WSCD2: variants seen among roughly 807,000 people sequenced by gnomAD.
The protein encoded by WSCD2 is WSC domain sialate O sulfotransferase 2, also known as sialate:O-sulfotransferase 2.
A neutral mutation model predicts 55.7 loss-of-function variants in WSCD2; 28 were observed. The ratio of observed to expected loss-of-function variants is 0.50; its 90% confidence interval spans 0.37 to 0.69. The LOEUF is 0.69. Among genes scored for constraint, WSCD2 ranks in the 30% least tolerant of loss-of-function variants. The pLI, the probability that WSCD2 is intolerant of heterozygous loss-of-function variation, is 0.00. For synonymous variants in WSCD2, 301 were observed against 301.9 expected, an observed-to-expected ratio of 1.00 and a Z score of 0.03; for missense variants, 616 against 762.1, an observed-to-expected ratio of 0.81 and a Z score of 2.26.
chr12:108,219,861 A>T (rs999995674), intron 4 of WSCD2, among the ~76,000 whole-genome samples: 6 of 152,152 alleles, frequency 3.9e-5, no homozygotes, highest in African/African-American at 1.4e-4. Context: ...CTCAAATAAG[A>T]TCCTGGTGGC....
intron 7 of WSCD2, 197 bp downstream of exon 7, chr12:108,233,092 GTCCTGGATACTCCA>G: frequency 1.6e-6 from 1 of 628,418 alleles, no homozygotes; most frequent in East Asian, 2.9e-5. Flanking sequence ...CTTAAGTCAT[GTCCTGGATACTCCA>G]CTAGCATCCA....
intron 1 of WSCD2, among the ~76,000 whole-genome samples, chr12:108,191,978 A>T (rs1308236178): frequency 6.6e-6 from 1 of 152,124 alleles, no homozygotes; most frequent in Non-Finnish European, 1.5e-5. Flanking sequence ...CCCCTTTCGC[A>T]CCCACTTAGA....
intron 5 of WSCD2, among the ~76,000 whole-genome samples, chr12:108,225,207 G>C (rs1887948949): frequency 6.6e-6 from 1 of 152,198 alleles, no homozygotes; most frequent in Non-Finnish European, 1.5e-5. Context: ...GTTTCACATG[G>C]CTGAGGAGGC....
At chr12:108,131,028 C>T (rs770766232) in intron 1 of WSCD2, among the ~76,000 whole-genome samples, 11 of 152,168 alleles carry the variant, frequency 7.2e-5, no homozygotes, top group South Asian at 4.1e-4. Context: ...TCTGCCTCTG[C>T]GGAGTAGCAT....
chr12:108,194,439 T>C (rs934951914), intron 1 of WSCD2, among the ~76,000 whole-genome samples: 2 of 152,166 alleles, frequency 1.3e-5, no homozygotes, highest in African/African-American at 4.8e-5. Context: ...GAGACACTGG[T>C]TAAGAGCTGT....
At position 108,196,226 on chromosome 12, in the gene WSCD2, G is replaced by A. The variant is rs1015668439; in HGVS notation, c.382+12G>A. 1 of 1,606,480 alleles carries A rather than the reference G, an allele frequency of 6.2e-7. No homozygotes were observed. The highest frequency in any genetic ancestry group is 8.5e-7 in the Non-Finnish European group (1 of 1,176,222). On this transcript the variant is annotated intron_variant, in intron 2 of 8. Transcript: ENST00000547525. ...GGAGGAAGAGCGAGGTAAGAGCGAGGAACATCTGGACACTGAGGGGCTGGG... is the reference window on the plus strand; with the variant it reads ...GGAGGAAGAGCGAGGTAAGAGCGAGAAACATCTGGACACTGAGGGGCTGGG...
intron 1 of WSCD2, among the ~76,000 whole-genome samples, chr12:108,133,382 T>C (rs543309674): frequency 6.6e-6 from 1 of 152,180 alleles, no homozygotes; most frequent in Non-Finnish European, 1.5e-5. Flanking sequence ...GGCGTACATG[T>C]GTGTTTTTCT....
chr12:108,236,926 G>A (rs1225105489), intron 7 of WSCD2, among the ~76,000 whole-genome samples: 2 of 152,166 alleles, frequency 1.3e-5, no homozygotes, highest in Admixed American at 6.5e-5. Context: ...TGCGGTATGT[G>A]AGGAGCCAGA....
intron 5 of WSCD2, among the ~76,000 whole-genome samples, chr12:108,226,083 G>A (rs1463876298): frequency 6.6e-6 from 1 of 152,002 alleles, no homozygotes; most frequent in East Asian, 2.0e-4. Flanking sequence ...TTTGGGAAAA[G>A]CTGTCTGAGT....
intron 1 of WSCD2, among the ~76,000 whole-genome samples, chr12:108,132,800 A>G (rs1592857007): frequency 6.6e-6 from 1 of 152,300 alleles, no homozygotes; most frequent in South Asian, 2.1e-4. Context: ...GTGCCTGCAT[A>G]CATGTGCATA....
intron 3 of WSCD2, among the ~76,000 whole-genome samples, chr12:108,207,236 T>G (rs1885508353): frequency 6.6e-6 from 1 of 152,116 alleles, no homozygotes; most frequent in Non-Finnish European, 1.5e-5. Flanking sequence ...ATGAAGAGGC[T>G]CTAATATGCT....
intron 4 of WSCD2, among the ~76,000 whole-genome samples, chr12:108,211,330 T>C (rs561358224): frequency 8.3e-4 from 126 of 152,272 alleles, no homozygotes; most frequent in South Asian, 1.9e-3. Context: ...GCTTCCCAGA[T>C]TTGCATGTGT....
At chr12:108,212,977 G>T (rs1019757911) in intron 4 of WSCD2, among the ~76,000 whole-genome samples, 3 of 152,168 alleles carry the variant, frequency 2.0e-5, no homozygotes, top group Non-Finnish European at 4.4e-5. Flanking sequence ...TAGCCTTGAG[G>T]CTACTAAGGC....
chr12:108,147,299 G>A (rs1222720752), intron 1 of WSCD2, among the ~76,000 whole-genome samples: 1 of 152,178 alleles, frequency 6.6e-6, no homozygotes, highest in Non-Finnish European at 1.5e-5. Flanking sequence ...GCAGGGTCAG[G>A]CGGGGGTAGA....
chr12:108,139,505 G>A (rs773190590), intron 1 of WSCD2, among the ~76,000 whole-genome samples: 9 of 152,158 alleles, frequency 5.9e-5, no homozygotes, highest in Non-Finnish European at 1.0e-4. Context: ...TCGAAGCTGT[G>A]TAGTTTTGGA....
At chr12:108,134,442 A>C (rs1875956387) in intron 1 of WSCD2, among the ~76,000 whole-genome samples, 1 of 152,176 alleles carries the variant, frequency 6.6e-6, no homozygotes, top group Non-Finnish European at 1.5e-5. Flanking sequence ...GGCTAGGTGG[A>C]GAGCTGCCTT....
At chr12:108,242,092 A>G (rs997583229) in intron 8 of WSCD2, among the ~76,000 whole-genome samples, 42 of 152,230 alleles carry the variant, frequency 2.8e-4, no homozygotes, top group African/African-American at 7.2e-5. Flanking sequence ...TCCAGCCTCC[A>G]GGAACCAGGC....
intron 4 of WSCD2, among the ~76,000 whole-genome samples, chr12:108,214,871 T>C (rs940553408): frequency 6.6e-6 from 1 of 152,268 alleles, no homozygotes; most frequent in Admixed American, 6.5e-5. Context: ...GTGGTTTTTG[T>C]GTACTGTTGT....
chr12:108,163,477 G>A (rs1032585002), intron 1 of WSCD2, among the ~76,000 whole-genome samples: 2 of 152,178 alleles, frequency 1.3e-5, no homozygotes, highest in Admixed American at 6.5e-5. Context: ...ACCTGTCCAC[G>A]TTCAAATCCC....
Sources: allele counts gnomAD v4.1 joint callset (sites outside exome capture counted in the v4.1 genomes callset), GRCh38; gene constraint gnomAD v4.1.1; transcripts MANE v1.5; gene names NCBI Gene and HGNC (gene_info 2026-07-23, HGNC 2026-07-21).